CSGALNACT1: variants seen among roughly 807,000 people sequenced by gnomAD.
CSGALNACT1 encodes beta4GalNAcT-1.
CSGALNACT1 carries 52 observed loss-of-function variants against 51.0 expected under a neutral mutation model. The ratio of observed to expected loss-of-function variants is 1.02; its 90% confidence interval spans 0.82 to 1.29. The LOEUF is 1.29. Among genes scored for constraint, CSGALNACT1 ranks in the 50% most tolerant of loss-of-function variants. The probability of loss-of-function intolerance (pLI) is 0.00; values close to 1 mark genes in which losing one functional copy is unlikely to be tolerated. For synonymous variants in CSGALNACT1, 341 were observed against 254.4 expected (o/e 1.34, Z -3.24); for missense variants, 935 against 679.2 (o/e 1.38, Z -4.19).
chr8:19,691,635 G>A (rs570985882), intron 1 of CSGALNACT1, among the ~76,000 whole-genome samples: 4 of 152,264 alleles, frequency 2.6e-5, no homozygotes, highest in Non-Finnish European at 4.4e-5. Flanking sequence ...AGGGGACATC[G>A]ACAGCTGACC....
intron 1 of CSGALNACT1, among the ~76,000 whole-genome samples, chr8:19,666,596 G>C (rs1418236889): frequency 6.6e-6 from 1 of 151,512 alleles, no homozygotes; most frequent in South Asian, 2.1e-4. Context: ...TCAGGAGGGA[G>C]AGGAGGTGGG....
intron 7 of CSGALNACT1, 24 bp downstream of exon 6, chr8:19,420,316 G>C (rs1338723210): frequency 1.2e-6 from 2 of 1,612,914 alleles, no homozygotes; most frequent in East Asian, 2.2e-5. Context: ...GGCCACCTGA[G>C]CGTGACAGAG....
At chr8:19,535,032 G>T (rs571210757) in intron 3 of CSGALNACT1, among the ~76,000 whole-genome samples, 1 of 152,262 alleles carries the variant, frequency 6.6e-6, no homozygotes, top group African/African-American at 2.4e-5. Flanking sequence ...GACAGAGTTA[G>T]CAGTGAGTAT....
Position 19,645,778 on chromosome 8 carries a change from C to A in CSGALNACT1, c.-544+36695G>T, listed in dbSNP as rs77814399. On this transcript the variant is annotated intron_variant, in intron 1 of 9. Transcript: ENST00000332246. The stretch of plus-strand genomic sequence containing the variant: ...AACAGGTAGCAAGTGAATGATATGG[C>A]AGCAGCCTGGATGATCAAATGTAGC... Among the ~76,000 whole-genome samples, 50 of 152,252 alleles carry A rather than the reference C, an allele frequency of 3.3e-4. 2 individuals carry two copies. The East Asian group carries it at 8.9e-3, about 27-fold the overall frequency.
intron 2 of CSGALNACT1, among the ~76,000 whole-genome samples, chr8:19,591,849 TATTTAA>T (rs1376153258): frequency 6.6e-6 from 1 of 152,172 alleles, no homozygotes; most frequent in Non-Finnish European, 1.5e-5. Context: ...CTATATTTAG[TATTTAA>T]TATATTACAG....
intron 3 of CSGALNACT1, among the ~76,000 whole-genome samples, chr8:19,547,803 C>T (rs1435359815): frequency 6.6e-6 from 1 of 152,096 alleles, no homozygotes; most frequent in Non-Finnish European, 1.5e-5. Context: ...CAATAAATTC[C>T]TTACTAGCAA....
chr8:19,666,695 C>T (rs926540446), intron 1 of CSGALNACT1, among the ~76,000 whole-genome samples: 6 of 144,734 alleles, frequency 4.1e-5, no homozygotes, highest in South Asian at 2.2e-4. Flanking sequence ...AAGACTGTCC[C>T]GGGAGAGAAA....
intron 3 of CSGALNACT1, among the ~76,000 whole-genome samples, chr8:19,521,054 G>C (rs868735026): frequency 1.3e-5 from 2 of 152,152 alleles, no homozygotes; most frequent in Admixed American, 6.5e-5. Flanking sequence ...GAGCGTAAGG[G>C]CAAAAGGGAG....
intron 3 of CSGALNACT1, among the ~76,000 whole-genome samples, chr8:19,544,487 G>A (rs76967042): frequency 2.8e-4 from 42 of 152,128 alleles, no homozygotes; most frequent in Non-Finnish European, 4.3e-4. Context: ...TAACAATTTC[G>A]TGTGTTTTCT....
chr8:19,756,195 A>G (rs2065361277), intron 1 of CSGALNACT1, among the ~76,000 whole-genome samples: 1 of 152,172 alleles, frequency 6.6e-6, no homozygotes, highest in African/African-American at 2.4e-5. Context: ...TGTCGACGAA[A>G]TCCTACAGAA....
chr8:19,681,947 T>C (rs1406958469), intron 1 of CSGALNACT1, among the ~76,000 whole-genome samples: 1 of 152,168 alleles, frequency 6.6e-6, no homozygotes, highest in Non-Finnish European at 1.5e-5. Context: ...CCAGTGTCCA[T>C]TTTCTCAAGG....
chr8:19,419,977 A>C (rs1563304617), intron 7 of CSGALNACT1, among the ~76,000 whole-genome samples: 2 of 152,204 alleles, frequency 1.3e-5, no homozygotes, highest in Non-Finnish European at 2.9e-5. Context: ...ATAGTAAATA[A>C]GTCTCAAGAG....
At chr8:19,476,630 T>A (rs185225511) in intron 4 of CSGALNACT1, among the ~76,000 whole-genome samples, 89 of 152,274 alleles carry the variant, frequency 5.8e-4, no homozygotes, top group African/African-American at 2.1e-3. Flanking sequence ...TATAACTGCA[T>A]GACCTAAGAG....
At chr8:19,431,538 T>G (rs2059650558) in intron 6 of CSGALNACT1, among the ~76,000 whole-genome samples, 1 of 151,944 alleles carries the variant, frequency 6.6e-6, no homozygotes, top group South Asian at 2.1e-4. Flanking sequence ...ATATAATTCT[T>G]TTTTTTTATG....
chr8:19,610,689 C>G (rs977484664), intron 1 of CSGALNACT1, among the ~76,000 whole-genome samples: 1 of 152,166 alleles, frequency 6.6e-6, no homozygotes, highest in Non-Finnish European at 1.5e-5. Context: ...GGAAAGCCCT[C>G]CCACTCTACC....
At chr8:19,582,627 G>A (rs1407315310) in intron 3 of CSGALNACT1, among the ~76,000 whole-genome samples, 13 of 152,148 alleles carry the variant, frequency 8.5e-5, no homozygotes, top group Admixed American at 7.2e-4. Context: ...AGTCAATCTT[G>A]GGATCAGCTG....
At chr8:19,680,633 A>C (rs2060546286) in intron 1 of CSGALNACT1, among the ~76,000 whole-genome samples, 1 of 148,110 alleles carries the variant, frequency 6.8e-6, no homozygotes. Context: ...CTATTTACAT[A>C]GCTCTTACAC....
At chr8:19,480,754 TTTCTC>T (rs1223902677) in intron 4 of CSGALNACT1, among the ~76,000 whole-genome samples, 4 of 152,290 alleles carry the variant, frequency 2.6e-5, no homozygotes, top group Non-Finnish European at 2.9e-5. Flanking sequence ...CAAGGGCTCA[TTTCTC>T]TTCTCATTTC....
intron 6 of CSGALNACT1, among the ~76,000 whole-genome samples, chr8:19,427,597 G>T (rs1001802566): frequency 6.6e-6 from 1 of 152,064 alleles, no homozygotes; most frequent in African/African-American, 2.4e-5. Flanking sequence ...GACCATCCTG[G>T]CTAACACGGT....
Sources: gnomAD v4.1 joint callset for allele counts (sites outside exome capture counted in the v4.1 genomes callset) on GRCh38, gnomAD v4.1.1 for gene constraint, MANE v1.5 for transcripts, NCBI Gene and HGNC (gene_info 2026-07-23, HGNC 2026-07-21) for gene names.